PPM1E: variants seen among roughly 807,000 people sequenced by gnomAD.
PPM1E encodes the protein protein phosphatase, Mg2+/Mn2+ dependent 1E.
Under a neutral mutation model 65.9 loss-of-function variants are expected in PPM1E, and 20 were observed. That is an observed-to-expected ratio of 0.30 (90% CI 0.21 to 0.44). The LOEUF (loss-of-function observed/expected upper bound fraction) is 0.44, where lower values mean the gene tolerates loss of function less well. PPM1E is among the 20% of genes least tolerant of loss of function. The pLI, the probability that PPM1E is intolerant of heterozygous loss-of-function variation, is 1.00. For synonymous variants in PPM1E, 352 were observed against 374.9 expected (o/e 0.94, Z 0.70); for missense variants, 713 against 953.1 (o/e 0.75, Z 3.32).
intron 1 of PPM1E, among the ~76,000 whole-genome samples, chr17:58,816,927 C>CT (rs2050432237): frequency 6.6e-6 from 1 of 150,908 alleles, no homozygotes; most frequent in African/African-American, 2.4e-5. Flanking sequence ...TCCTGAGTAG[C>CT]TGGGCCTATG....
intron 1 of PPM1E, among the ~76,000 whole-genome samples, chr17:58,930,983 G>T (rs1371735178): frequency 6.6e-6 from 1 of 150,962 alleles, no homozygotes. Flanking sequence ...GGAGGCTGAG[G>T]TGGGTGGATC....
Position 58,912,014 on chromosome 17 carries a change from C to T in PPM1E, c.465-43635C>T, listed in dbSNP as rs116125269. Among the ~76,000 whole-genome samples the T allele has an allele frequency of 5.0e-3, 766 of 152,312 alleles. 3 individuals carry two copies. The highest frequency in any genetic ancestry group is 0.017 in the African/African-American group (713 of 41,562). On this transcript the variant is annotated intron_variant, in intron 1 of 6. Coordinates refer to ENST00000308249, the MANE Select transcript of PPM1E (RefSeq NM_014906.5). Reference sequence around the variant, plus strand: ...GGAGAGAAGGATTTTTTATCCCTAACGCAGTCCCTATCCCTGTGTCCTTCC... The same window carrying T: ...GGAGAGAAGGATTTTTTATCCCTAATGCAGTCCCTATCCCTGTGTCCTTCC...
chr17:58,856,036 A>G (rs1483058500), intron 1 of PPM1E, among the ~76,000 whole-genome samples: 1 of 152,254 alleles, frequency 6.6e-6, no homozygotes, highest in Non-Finnish European at 1.5e-5. Context: ...GGTCATGGAA[A>G]TTGATCTTTG....
chr17:58,931,390 AAAAG>A (rs996080346), intron 1 of PPM1E, among the ~76,000 whole-genome samples: 2 of 151,676 alleles, frequency 1.3e-5, no homozygotes, highest in Non-Finnish European at 2.9e-5. Context: ...ACATCACAAA[AAAAG>A]GAAGGAAGGA....
At chr17:58,872,371 C>T (rs1386890622) in intron 1 of PPM1E, among the ~76,000 whole-genome samples, 1 of 151,838 alleles carries the variant, frequency 6.6e-6, no homozygotes, top group African/African-American at 2.4e-5. Context: ...AGGTTCAGAC[C>T]CTGAGAGATG....
chr17:58,932,400 T>C (rs571931338), intron 1 of PPM1E, among the ~76,000 whole-genome samples: 63 of 151,960 alleles, frequency 4.1e-4, no homozygotes, highest in African/African-American at 1.4e-3. Flanking sequence ...ACTCGGGAGG[T>C]GGAGGTTGCA....
At chr17:58,932,403 A>AG (rs2051913388) in intron 1 of PPM1E, among the ~76,000 whole-genome samples, 1 of 152,188 alleles carries the variant, frequency 6.6e-6, no homozygotes, top group African/African-American at 2.4e-5. Flanking sequence ...CGGGAGGTGG[A>AG]GGTTGCAGTG....
At chr17:58,781,431 G>A (rs991433239) in intron 1 of PPM1E, among the ~76,000 whole-genome samples, 20 of 151,408 alleles carry the variant, frequency 1.3e-4, no homozygotes, top group Middle Eastern at 6.3e-3. Flanking sequence ...GTCAGCCACC[G>A]TGCCTGGCCC....
In PPM1E at chr17:58,980,455, G is replaced by A. The variant is rs1253099708; in HGVS notation, c.1692G>A (p.Leu564=). The change falls in exon 7 of 7, where the codon CTG becomes CTA. Residue 564 remains leucine (L), a synonymous_variant. Transcript: ENST00000308249. The surrounding 1 kb of genome is among the most constrained non-coding windows in gnomAD (Gnocchi z 4.7). ...SLSPGSQINV[L]EDPGYLDLTQ... Reference sequence around the variant, plus strand: ...GCCCAGGGTCCCAAATCAACGTGCTGGAAGACCCAGGCTACCTAGATCTCA... The same window carrying A: ...GCCCAGGGTCCCAAATCAACGTGCTAGAAGACCCAGGCTACCTAGATCTCA... The A allele has an allele frequency of 5.0e-6, 8 of 1,614,082 alleles. No homozygotes were observed. Among genetic ancestry groups the A allele is most frequent in the African/African-American group, 1.3e-5 (1 of 75,018 alleles).
At chr17:58,954,493 C>T (rs1381600431) in intron 1 of PPM1E, among the ~76,000 whole-genome samples, 1 of 152,168 alleles carries the variant, frequency 6.6e-6, no homozygotes, top group Non-Finnish European at 1.5e-5. Flanking sequence ...GTCTGTTCCT[C>T]TGACTTTATT....
intron 1 of PPM1E, chr17:58,836,131 A>G (rs1193296660): frequency 2.6e-5 from 4 of 152,116 alleles, no homozygotes; most frequent in African/African-American, 9.7e-5. Flanking sequence ...CCACTATACA[A>G]TGCTGCCCAG....
chr17:58,890,789 C>G lies in PPM1E; in HGVS notation c.465-64860C>G, dbSNP rs1251433553. Among the ~76,000 whole-genome samples the G allele has an allele frequency of 2.0e-5, 3 of 152,084 alleles. No individual in the cohort carries two copies. The East Asian group carries it at 5.8e-4, about 29-fold the overall frequency. On this transcript the variant is annotated intron_variant, in intron 1 of 6. Coordinates refer to ENST00000308249, the MANE Select transcript of PPM1E (RefSeq NM_014906.5). Reference sequence around the variant, plus strand: ...ACCTTTCCCAGCTCTCTTAAATACTCATTGAGTATGATCTCATATCCCTGT... The same window carrying G: ...ACCTTTCCCAGCTCTCTTAAATACTGATTGAGTATGATCTCATATCCCTGT...
At chr17:58,930,027 T>C in intron 1 of PPM1E, among the ~76,000 whole-genome samples, 1 of 152,144 alleles carries the variant, frequency 6.6e-6, no homozygotes, top group East Asian at 1.9e-4. Flanking sequence ...TTTACTTGTT[T>C]TGTTTACGGT....
intron 1 of PPM1E, among the ~76,000 whole-genome samples, chr17:58,836,744 G>A (rs2050661396): frequency 6.7e-6 from 1 of 150,146 alleles, no homozygotes; most frequent in Non-Finnish European, 1.5e-5. Flanking sequence ...ATTATTGGCC[G>A]GGCGCGGTGG....
chr17:58,905,294 A>G lies in PPM1E; in HGVS notation c.465-50355A>G, dbSNP rs561771628. On this transcript the variant is annotated intron_variant, in intron 1 of 6. Coordinates refer to ENST00000308249, the MANE Select transcript of PPM1E (RefSeq NM_014906.5). ...TCCTTGCCTTGTTCCTGATCTTAGTAGGAAAGCTTCTAGTTGTTTACCATT... is the reference window on the plus strand; with the variant it reads ...TCCTTGCCTTGTTCCTGATCTTAGTGGGAAAGCTTCTAGTTGTTTACCATT... Among the ~76,000 whole-genome samples the G allele has an allele frequency of 6.7e-4, 102 of 152,310 alleles. 1 individual carries two copies. Among genetic ancestry groups the G allele is most frequent in the African/African-American group, 2.4e-3 (100 of 41,580 alleles).
intron 6 of PPM1E, among the ~76,000 whole-genome samples, chr17:58,979,382 A>G (rs1026460425): frequency 2.6e-5 from 4 of 152,242 alleles, no homozygotes; most frequent in Non-Finnish European, 5.9e-5. Context: ...GGTCAGCCAC[A>G]TAACTCCTCC....
rs539578037 is a variant in PPM1E at position 58,816,873 on chromosome 17, G to T, written c.464+60412G>T. On this transcript the variant is annotated intron_variant, in intron 1 of 6. Transcript: ENST00000308249. ...TGCAGTGGCGCGATCTCAGCTCACC[G>T]CAACCTCCACCTCCCAGGCCCGAGT... Among the ~76,000 whole-genome samples, 4 of 143,472 alleles carry T rather than the reference G, an allele frequency of 2.8e-5. No homozygotes were observed. In the East Asian group the frequency reaches 8.6e-4, roughly 31 times the overall value. The allele number at this position is 143,472 out of a possible 152,430, so 94.1% of individuals were successfully genotyped here.
At chr17:58,793,976 T>C (rs1318040532) in intron 1 of PPM1E, among the ~76,000 whole-genome samples, 3 of 152,174 alleles carry the variant, frequency 2.0e-5, no homozygotes, top group Admixed American at 6.6e-5. Flanking sequence ...CCTGAGTAGC[T>C]GGGACTACAG....
intron 1 of PPM1E, among the ~76,000 whole-genome samples, chr17:58,895,063 C>T (rs759970704): frequency 5.3e-5 from 8 of 152,142 alleles, no homozygotes; most frequent in Non-Finnish European, 1.0e-4. Context: ...CTTGCAATAT[C>T]CCAAACTTCT....
Sources: allele counts gnomAD v4.1 joint callset (sites outside exome capture counted in the v4.1 genomes callset), GRCh38; gene constraint gnomAD v4.1.1; non-coding constraint Gnocchi (gnomAD v3.1); transcripts MANE v1.5; gene names NCBI Gene and HGNC (gene_info 2026-07-23, HGNC 2026-07-21).